The following SLC9C1 variants were observed in gnomAD, a reference collection of about 807,000 sequenced individuals.
SLC9C1 encodes the protein solute carrier family 9 member C1.
Under a neutral mutation model 140.9 loss-of-function variants are expected in SLC9C1, and 97 were observed. The ratio of observed to expected loss-of-function variants is 0.69; its 90% CI spans 0.58 to 0.82. SLC9C1 has a LOEUF of 0.82. SLC9C1 is among the 40% of genes least tolerant of loss of function. The probability of loss-of-function intolerance (pLI) is 0.00; values close to 1 mark genes in which losing one functional copy is unlikely to be tolerated. For missense variants in SLC9C1, 1,340 were observed against 1,389.3 expected (o/e 0.96, Z 0.56); for synonymous variants, 440 against 442.6 (o/e 0.99, Z 0.07).
At chr3:112,179,060 A>T (rs1560034563) in intron 23 of SLC9C1, among the ~76,000 whole-genome samples, 3 of 152,188 alleles carry the variant, frequency 2.0e-5, no homozygotes, top group Non-Finnish European at 4.4e-5. Flanking sequence ...TCACATATTT[A>T]TGGAGTTTAA....
Position 112,199,449 on chromosome 3 carries a change from G to T in SLC9C1, c.2395C>A (p.Pro799Thr). ...GTTTTCACAGTGACAGCAATTTCTG[G>T]GTGATCATACTCTAAGTAGCCTAAA... is the stretch of plus-strand genomic sequence containing the variant. ...KELGYLEYDH[P>T]EIAVTVKTKE... The change falls in exon 20 of 29, where the codon CCA becomes ACA. Residue 799 changes from proline (P) to threonine (T), a missense_variant. Transcript: ENST00000305815. 6.3e-7 allele frequency: 1 copy of T among 1,587,156 alleles called. No individual in the cohort carries two copies. Among genetic ancestry groups the T allele is most frequent in the African/African-American group, 1.4e-5 (1 of 73,792 alleles).
chr3:112,286,906 G>A, intron 1 of SLC9C1, 28 bp from the exon 2 acceptor site: 1 of 555,006 alleles, frequency 1.8e-6, no homozygotes, highest in Non-Finnish European at 2.9e-6. Context: ...TGCCTTCTTG[G>A]TGGCCTTCTA....
intron 10 of SLC9C1, among the ~76,000 whole-genome samples, chr3:112,249,031 C>G (rs77450356): frequency 6.6e-6 from 1 of 152,024 alleles, no homozygotes; most frequent in Non-Finnish European, 1.5e-5. Flanking sequence ...TGTTCCAGCT[C>G]TCAAGGGGAA....
intron 1 of SLC9C1, among the ~76,000 whole-genome samples, chr3:112,292,736 G>A (rs1254717856): frequency 6.6e-6 from 1 of 151,332 alleles, no homozygotes; most frequent in African/African-American, 2.4e-5. Flanking sequence ...GTAGAGACGG[G>A]GTTTCACTGT....
chr3:112,210,960 A>G (rs544915834), intron 15 of SLC9C1, among the ~76,000 whole-genome samples: 2 of 152,270 alleles, frequency 1.3e-5, no homozygotes, highest in South Asian at 4.1e-4. Flanking sequence ...TTATGCCATA[A>G]TCTCCTTTGA....
chr3:112,224,815 AAG>A (rs1163618051), intron 13 of SLC9C1, among the ~76,000 whole-genome samples: 1 of 151,880 alleles, frequency 6.6e-6, no homozygotes, highest in Non-Finnish European at 1.5e-5. Flanking sequence ...AAAAGAGAGA[AAG>A]AGAGAAAGAA....
intron 11 of SLC9C1, among the ~76,000 whole-genome samples, chr3:112,243,472 G>A (rs1361282746): frequency 6.6e-6 from 1 of 152,114 alleles, no homozygotes; most frequent in Non-Finnish European, 1.5e-5. Context: ...ACATAGAGAT[G>A]GGAATAGTGG....
In SLC9C1 at chr3:112,180,671, T is replaced by C. The variant is rs777306636; in HGVS notation, c.2650-9A>G. 1.5e-5 allele frequency: 23 copies of C among 1,572,124 alleles called. No individual in the cohort carries two copies. The highest frequency in any genetic ancestry group is 1.2e-4 in the Admixed American group (7 of 57,978). On this transcript the variant is annotated splice_polypyrimidine_tract_variant and intron_variant, in intron 21 of 28. Transcript: ENST00000305815. ...ACAACTTTGGCTTTTTCCTAAAAGATACCACCAAATACATAAACTATAAAC... is the reference window on the plus strand; with the variant it reads ...ACAACTTTGGCTTTTTCCTAAAAGACACCACCAAATACATAAACTATAAAC...
At chr3:112,179,829 T>C in intron 22 of SLC9C1, 128 bp from the exon 23 acceptor site, 2 of 682,140 alleles carry the variant, frequency 2.9e-6, no homozygotes, top group Non-Finnish European at 4.4e-6. Context: ...AGAATAAATA[T>C]TTTATTTCTT....
chr3:112,177,898 T>C (rs2077370146), intron 23 of SLC9C1, among the ~76,000 whole-genome samples: 2 of 150,860 alleles, frequency 1.3e-5, no homozygotes, highest in Non-Finnish European at 1.5e-5. Context: ...AATATATAAT[T>C]TTATTTTTAA....
At chr3:112,234,443 T>C (rs1051110763) in intron 12 of SLC9C1, among the ~76,000 whole-genome samples, 1 of 152,280 alleles carries the variant, frequency 6.6e-6, no homozygotes, top group South Asian at 2.1e-4. Context: ...TTCACTCTGA[T>C]GGTAGTTTCT....
chr3:112,143,243 A>G (rs1576187761), intron 28 of SLC9C1, among the ~76,000 whole-genome samples: 1 of 152,186 alleles, frequency 6.6e-6, no homozygotes, highest in Non-Finnish European at 1.5e-5. Context: ...GTGTATATAT[A>G]TATATATATC....
chr3:112,169,149 C>T, intron 24 of SLC9C1, 48 bp downstream of exon 24: 1 of 1,594,540 alleles, frequency 6.3e-7, no homozygotes, highest in Non-Finnish European at 8.5e-7. Flanking sequence ...TGTTTTAATG[C>T]CATTCCATTC....
chr3:112,212,493 G>A (rs976801539), intron 15 of SLC9C1, among the ~76,000 whole-genome samples: 3 of 152,174 alleles, frequency 2.0e-5, no homozygotes, highest in Admixed American at 6.5e-5. Context: ...AGAATAACCA[G>A]TGTAGAGAAG....
chr3:112,167,157 C>T, intron 26 of SLC9C1, 64 bp downstream of exon 26: 1 of 1,562,144 alleles, frequency 6.4e-7, no homozygotes, highest in South Asian at 1.2e-5. Context: ...TTTCCAAATA[C>T]ACATATGGCT....
chr3:112,269,519 T>C (rs1334066328), intron 7 of SLC9C1, among the ~76,000 whole-genome samples: 1 of 152,234 alleles, frequency 6.6e-6, no homozygotes, highest in Non-Finnish European at 1.5e-5. Flanking sequence ...TGTCTACAGG[T>C]ATATGTAAAG....
At chr3:112,203,526 AT>A (rs1436845442) in intron 17 of SLC9C1, among the ~76,000 whole-genome samples, 2 of 149,872 alleles carry the variant, frequency 1.3e-5, no homozygotes, top group Non-Finnish European at 3.0e-5. Context: ...AAATGTAAAG[AT>A]TCTATTAGTT....
chr3:112,149,044 A>C (rs993681686), intron 28 of SLC9C1, among the ~76,000 whole-genome samples: 3 of 152,138 alleles, frequency 2.0e-5, no homozygotes, highest in Non-Finnish European at 4.4e-5. Context: ...ATCTCTGCAC[A>C]GGAGGGGTAG....
At chr3:112,231,220 G>T in intron 13 of SLC9C1, 141 bp downstream of exon 13, 1 of 804,032 alleles carries the variant, frequency 1.2e-6, no homozygotes, top group South Asian at 2.4e-5. Flanking sequence ...CAATCAAGCA[G>T]ATTCCTAAGA....
Sources: gnomAD v4.1 joint callset for allele counts (sites outside exome capture counted in the v4.1 genomes callset) on GRCh38, gnomAD v4.1.1 for gene constraint, MANE v1.5 for transcripts, NCBI Gene and HGNC (gene_info 2026-07-23, HGNC 2026-07-21) for gene names.